The following RREB1 variants were observed in gnomAD, a reference collection of about 807,000 sequenced individuals.
RREB1 encodes the protein ras-responsive element-binding protein 1.
RREB1 carries 27 observed loss-of-function variants against 117.8 expected under a neutral mutation model. The ratio of observed to expected loss-of-function variants is 0.23; its 90% CI spans 0.17 to 0.32. RREB1 has a LOEUF of 0.32. Among genes scored for constraint, RREB1 ranks in the 10% least tolerant of loss-of-function variants. The pLI, the probability that RREB1 is intolerant of heterozygous loss-of-function variation, is 1.00. For missense variants in RREB1, 2,577 were observed against 2,378.2 expected (o/e 1.08, Z -1.74); for synonymous variants, 1,298 against 1,026.7 (o/e 1.26, Z -5.05).
Position 7,247,013 on chromosome 6 carries a change from G to A in RREB1, c.4563G>A (p.Lys1521=), listed in dbSNP as rs1383708910. 1.9e-6 allele frequency: 3 copies of A among 1,609,382 alleles called. No individual in the cohort carries two copies. Among genetic ancestry groups the A allele is most frequent in the Non-Finnish European group, 2.5e-6 (3 of 1,178,024 alleles). ...APGAGEAPAE[K]LAEETEGPSD... is the part of the protein sequence containing the mutation. ...GTGCCGGGGAGGCCCCGGCGGAAAA[G>A]CTCGCGGAGGAGACGGAGGGCCCCT... The change falls in exon 12 of 13, where the codon AAG becomes AAA. Residue 1521 remains lysine, a synonymous_variant. Transcript: ENST00000379938.
chr6:7,141,368 C>T (rs1264208342), intron 1 of RREB1, among the ~76,000 whole-genome samples: 1 of 152,228 alleles, frequency 6.6e-6, no homozygotes, highest in African/African-American at 2.4e-5. Context: ...TAATGAACAA[C>T]CGGAGCTCTT....
intron 1 of RREB1, among the ~76,000 whole-genome samples, chr6:7,172,697 G>A (rs974259175): frequency 4.1e-5 from 6 of 147,492 alleles, no homozygotes; most frequent in Non-Finnish European, 7.5e-5. Context: ...GGTGTGGGGG[G>A]GTGGGGGTGA....
At chr6:7,164,110 C>T (rs1200049511) in intron 1 of RREB1, among the ~76,000 whole-genome samples, 1 of 152,156 alleles carries the variant, frequency 6.6e-6, no homozygotes, top group Non-Finnish European at 1.5e-5. Flanking sequence ...CACACATGCC[C>T]TGTCTGACTC....
intron 1 of RREB1, among the ~76,000 whole-genome samples, chr6:7,125,515 GC>G (rs1351104401): frequency 5.3e-5 from 8 of 152,156 alleles, no homozygotes; most frequent in Non-Finnish European, 1.0e-4. Flanking sequence ...AAAGTACTCA[GC>G]CCTGTTTCAG....
rs200006999 is a variant in RREB1 at position 7,229,698 on chromosome 6, T to C, written c.1599T>C (p.Ala533=). The C allele has an allele frequency of 1.1e-5, 17 of 1,608,116 alleles. No homozygotes were observed. In the East Asian group the frequency reaches 2.7e-4, roughly 25 times the overall value. ...TPPPLINAQQ[A]SPGCISPSLP... ...CGCCTCTCATCAACGCCCAGCAGGC[T>C]TCCCCGGGCTGTATCAGCCCCAGCC... is the stretch of plus-strand genomic sequence containing the variant. The change falls in exon 10 of 13, where the codon GCT becomes GCC. Residue 533 remains alanine, a synonymous_variant. Transcript: ENST00000379938. The surrounding 1 kb of genome is among the most constrained non-coding windows in gnomAD (Gnocchi z 4.5).
intron 1 of RREB1, among the ~76,000 whole-genome samples, chr6:7,164,334 T>G (rs1441282797): frequency 6.6e-6 from 1 of 152,186 alleles, no homozygotes; most frequent in African/African-American, 2.4e-5. Context: ...TGTGTGACTG[T>G]TAGGGGTTCA....
chr6:7,201,083 T>TA (rs1295656256), intron 6 of RREB1, among the ~76,000 whole-genome samples: 2 of 152,140 alleles, frequency 1.3e-5, no homozygotes, highest in African/African-American at 4.8e-5. Context: ...TAGGGAAGGT[T>TA]AGGGATGGGC....
chr6:7,156,390 A>T (rs1192550538), intron 1 of RREB1, among the ~76,000 whole-genome samples: 1 of 152,228 alleles, frequency 6.6e-6, no homozygotes, highest in East Asian at 1.9e-4. Flanking sequence ...ACACTAATTG[A>T]ATCACAGATT....
chr6:7,208,400 C>T (rs1766392690), intron 6 of RREB1, among the ~76,000 whole-genome samples: 1 of 152,150 alleles, frequency 6.6e-6, no homozygotes, highest in African/African-American at 2.4e-5. Flanking sequence ...CTGGCCGGAC[C>T]CCTCCAACCC....
rs1764168052 is a variant in RREB1 at position 7,170,762 on chromosome 6, C to A, written c.-284-5893C>A. On this transcript the variant is annotated intron_variant, in intron 1 of 12. Coordinates refer to ENST00000379938, the MANE Select transcript of RREB1 (RefSeq NM_001003699.4). Reference sequence around the variant, plus strand: ...AGAAATGGGGATCTTTGTCTCTGACCCAGGGCCTTGGTTTTTGCTCTGGAG... The same window carrying A: ...AGAAATGGGGATCTTTGTCTCTGACACAGGGCCTTGGTTTTTGCTCTGGAG... 2.6e-5 allele frequency among the ~76,000 whole-genome samples: 4 copies of A among 152,050 alleles called. No individual in the cohort carries two copies. In the South Asian group the frequency reaches 8.3e-4, roughly 32 times the overall value.
chr6:7,221,946 G>A (rs1212600636), intron 8 of RREB1, among the ~76,000 whole-genome samples: 1 of 152,080 alleles, frequency 6.6e-6, no homozygotes, highest in Admixed American at 6.6e-5. Flanking sequence ...ATAACATAAT[G>A]ACTAAATTTG....
chr6:7,131,623 C>A (rs1434356445), intron 1 of RREB1, among the ~76,000 whole-genome samples: 1 of 152,158 alleles, frequency 6.6e-6, no homozygotes. Context: ...CTTTTCACTT[C>A]TGCATTTGTT....
At chr6:7,142,903 C>T (rs1055175407) in intron 1 of RREB1, among the ~76,000 whole-genome samples, 5 of 152,180 alleles carry the variant, frequency 3.3e-5, no homozygotes, top group African/African-American at 1.2e-4. Flanking sequence ...ATGCTGGGAC[C>T]CCTCTCCAGG....
chr6:7,140,192 A>G (rs1762506291), intron 1 of RREB1, among the ~76,000 whole-genome samples: 1 of 152,306 alleles, frequency 6.6e-6, no homozygotes, highest in Non-Finnish European at 1.5e-5. Flanking sequence ...AAGCTAAAAC[A>G]TTTGTTCAGA....
Position 7,246,839 on chromosome 6 carries a change from G to C in RREB1, c.4389G>C (p.Leu1463=), listed in dbSNP as rs747015232. The C allele has an allele frequency of 4.2e-5, 66 of 1,553,306 alleles. 1 individual carries two copies. In the Admixed American group the frequency reaches 1.1e-3, roughly 26 times the overall value. The part of the protein sequence containing the change: ...CGKSFKFLGT[L]SRHRKAHGRQ... ...AGAGCTTCAAGTTCCTGGGCACCCT[G>C]AGCCGCCACCGGAAGGCGCACGGCC... The change falls in exon 12 of 13, where the codon CTG becomes CTC. Residue 1463 remains leucine, a synonymous_variant. Coordinates refer to ENST00000379938, the MANE Select transcript of RREB1 (RefSeq NM_001003699.4).
Position 7,211,656 on chromosome 6 carries a change from T to C in RREB1, c.654T>C (p.Val218=). 1.9e-6 allele frequency: 3 copies of C among 1,614,120 alleles called. No homozygotes were observed. Among genetic ancestry groups the C allele is most frequent in the African/African-American group, 2.7e-5 (2 of 75,028 alleles). ...FHCPVCFKEF[V]CKYGLETHME... ...GCCCAGTATGTTTCAAGGAGTTTGT[T>C]TGCAAGTATGGACTGGAGACCCACA... Residue 218 remains valine, a synonymous_variant, in exon 8 of 13, where the codon GTT becomes GTC. Transcript: ENST00000379938.
chr6:7,158,013 C>T (rs1407629728), intron 1 of RREB1, among the ~76,000 whole-genome samples: 1 of 152,104 alleles, frequency 6.6e-6, no homozygotes. Context: ...CATCAGCCGG[C>T]TCATGCCTGA....
chr6:7,246,966 G>C lies in RREB1; in HGVS notation c.4516G>C (p.Glu1506Gln), dbSNP rs745337261. 8.3e-6 allele frequency: 13 copies of C among 1,574,760 alleles called. No individual in the cohort carries two copies. The highest frequency in any genetic ancestry group is 1.0e-5 in the Non-Finnish European group (12 of 1,161,326). The change falls in exon 12 of 13, where the codon GAG (glutamate) becomes CAG (glutamine). Residue 1506 changes from glutamate (E) to glutamine (Q), a missense_variant. Glu to Gln is a conservative substitution (Grantham distance 29). Transcript: ENST00000379938. ...QEEKPPETPA[E>Q]VVESAPGAGE... The stretch of plus-strand genomic sequence containing the variant: ...GGAGAAGCCCCCCGAGACCCCGGCA[G>C]AGGTGGTGGAGTCGGCCCCGGGTGC...
chr6:7,109,499 G>A (rs938897872), intron 1 of RREB1, among the ~76,000 whole-genome samples: 2 of 150,948 alleles, frequency 1.3e-5, no homozygotes, highest in Non-Finnish European at 3.0e-5. Flanking sequence ...ACCGATGGGC[G>A]AGGCCACCTT....
Sources: gnomAD v4.1 joint callset for allele counts (sites outside exome capture counted in the v4.1 genomes callset) on GRCh38, gnomAD v4.1.1 for gene constraint, Gnocchi (gnomAD v3.1) non-coding constraint, MANE v1.5 for transcripts, NCBI Gene and HGNC (gene_info 2026-07-23, HGNC 2026-07-21) for gene names.